The following GAPDH variants were observed in gnomAD, a reference collection of about 807,000 sequenced individuals.
GAPDH encodes OCAS, p38 component.
A neutral mutation model predicts 31.2 loss-of-function variants in GAPDH; 13 were observed. The ratio of observed to expected loss-of-function variants is 0.42; its 90% CI spans 0.27 to 0.66. The LOEUF is 0.66. GAPDH is among the 30% of genes least tolerant of loss of function. The probability of loss-of-function intolerance (pLI) is 0.26; values close to 1 mark genes in which losing one functional copy is unlikely to be tolerated. For missense variants in GAPDH, 300 were observed against 443.7 expected (o/e 0.68, Z 2.91); for synonymous variants, 211 against 166.9 (o/e 1.26, Z -2.04).
chr12:6,535,207 C>T, intron 2 of GAPDH: 1 of 1,102,950 alleles, frequency 9.1e-7, no homozygotes, highest in Non-Finnish European at 1.1e-6. Context: ...GAGCCCCTCC[C>T]CCACGGCCTC....
chr12:6,537,627 G>A lies in GAPDH; in HGVS notation c.569G>A (p.Gly190Asp), dbSNP rs1946508215. Reference protein sequence around the residue: ...AITATQKTVDGPSGKLWRDGR... With the variant: ...AITATQKTVDDPSGKLWRDGR... ...ACTGCCACCCAGAAGACTGTGGATG[G>A]CCCCTCCGGGAAACTGTGGCGTGAT... The change falls in exon 8 of 9, where the codon GGC (glycine) becomes GAC (aspartate). Residue 190 changes from glycine (G) to aspartate (D), a missense_variant. Physicochemically the swap from Gly to Asp is moderately conservative, Grantham distance 94. Transcript: ENST00000229239. The surrounding 1 kb of genome is among the most constrained non-coding windows in gnomAD (Gnocchi z 4.9). 1 of 1,611,710 alleles carries A rather than the reference G, an allele frequency of 6.2e-7. No individual in the cohort carries two copies. Among genetic ancestry groups the A allele is most frequent in the Admixed American group, 1.7e-5 (1 of 59,996 alleles).
intron 2 of GAPDH, among the ~76,000 whole-genome samples, chr12:6,536,255 C>G (rs955960732): frequency 6.6e-6 from 1 of 152,226 alleles, no homozygotes; most frequent in Non-Finnish European, 1.5e-5. Context: ...GCCGCTTCTC[C>G]TGGAAGGGCT....
Position 6,537,978 on chromosome 12 carries a change from T to C in GAPDH, c.920T>C (p.Phe307Ser). 6.2e-7 allele frequency: 1 copy of C among 1,613,498 alleles called. No individual in the cohort carries two copies. The highest frequency in any genetic ancestry group is 8.5e-7 in the Non-Finnish European group (1 of 1,179,524). Reference sequence around the variant, plus strand: ...GCTGGCATTGCCCTCAACGACCACTTTGTCAAGCTCATTTCCTGGTATGTG... The same window carrying C: ...GCTGGCATTGCCCTCAACGACCACTCTGTCAAGCTCATTTCCTGGTATGTG... ...AGAGIALNDHFVKLISWYDNE... is the reference protein window; with the variant it reads ...AGAGIALNDHSVKLISWYDNE... Residue 307 changes from phenylalanine (F) to serine (S), a missense_variant, in exon 8 of 9, where the codon TTT becomes TCT. By Grantham distance (155) the Phe-to-Ser change is radical. Coordinates refer to ENST00000229239, the MANE Select transcript of GAPDH (RefSeq NM_002046.7). The surrounding 1 kb of genome is among the most constrained non-coding windows in gnomAD (Gnocchi z 4.9).
rs1447177742 is a variant in GAPDH at position 6,538,009 on chromosome 12, G to C, written c.938+13G>C. The C allele has an allele frequency of 1.3e-6, 2 of 1,594,650 alleles. No homozygotes were observed. The highest frequency in any genetic ancestry group is 3.7e-5 in the Admixed American group (2 of 54,058). ...AGCTCATTTCCTGGTATGTGGCTGG[G>C]GCCAGAGACTGGCTCTTAAAAAGTG... On this transcript the variant is annotated intron_variant, in intron 8 of 8. Transcript: ENST00000229239.
Position 6,537,182 on chromosome 12 carries a change from C to A in GAPDH, c.409C>A (p.His137Asn), listed in dbSNP as rs1261741390. The change falls in exon 6 of 9, where the codon CAT becomes AAT. Residue 137 changes from histidine (H) to asparagine (N), a missense_variant. Coordinates refer to ENST00000229239, the MANE Select transcript of GAPDH (RefSeq NM_002046.7). The surrounding 1 kb of genome is among the most constrained non-coding windows in gnomAD (Gnocchi z 4.9). ...CCCCATGTTCGTCATGGGTGTGAAC[C>A]ATGAGAAGTATGACAACAGCCTCAA... ...DAPMFVMGVN[H>N]EKYDNSLKII... 6.2e-7 allele frequency: 1 copy of A among 1,613,108 alleles called. No homozygotes were observed. The highest frequency in any genetic ancestry group is 8.5e-7 in the Non-Finnish European group (1 of 1,179,968).
Position 6,534,872 on chromosome 12 carries a change from G to T in GAPDH, c.29+11G>T. ...GGTCGGAGTCAACGGGTGAGTTCGC[G>T]GGTGGCTGGGGGGCCCTGGGCTGCG... On this transcript the variant is annotated intron_variant, in intron 2 of 8. Transcript: ENST00000229239. 1 of 1,612,618 alleles carries T rather than the reference G, an allele frequency of 6.2e-7. No homozygotes were observed. The highest frequency in any genetic ancestry group is 1.1e-5 in the South Asian group (1 of 90,972).
At chr12:6,535,024 C>T (rs968749107) in intron 2 of GAPDH, 163 bp downstream of exon 2, 7 of 883,364 alleles carry the variant, frequency 7.9e-6, no homozygotes, top group African/African-American at 6.9e-5. Flanking sequence ...GCCCCGCACC[C>T]AGGCTGTGGC....
chr12:6,537,430 C>T lies in GAPDH; in HGVS notation c.525+40C>T. 2 of 1,595,370 alleles carry T rather than the reference C, an allele frequency of 1.3e-6. No individual in the cohort carries two copies. Among genetic ancestry groups the T allele is most frequent in the Non-Finnish European group, 1.7e-6 (2 of 1,165,570 alleles). The stretch of plus-strand genomic sequence containing the variant: ...GAATGGGACTGAGGCTCCCACCTTT[C>T]TCATCCAAGACTGGCTCCTCCCTGC... On this transcript the variant is annotated intron_variant, in intron 7 of 8. Transcript: ENST00000229239. The surrounding 1 kb of genome is among the most constrained non-coding windows in gnomAD (Gnocchi z 4.9).
Position 6,536,911 on chromosome 12 carries a change from C to T in GAPDH, c.237-9C>T. 3 of 1,609,242 alleles carry T rather than the reference C, an allele frequency of 1.9e-6. No homozygotes were observed. Among genetic ancestry groups the T allele is most frequent in the Non-Finnish European group, 1.7e-6 (2 of 1,175,774 alleles). On this transcript the variant is annotated splice_polypyrimidine_tract_variant and intron_variant, in intron 4 of 8. Coordinates refer to ENST00000229239, the MANE Select transcript of GAPDH (RefSeq NM_002046.7). ...TGGTCCTGTCCCCATCTCCCCCCCA[C>T]CCCCATAGGCGAGATCCCTCCAAAA...
In GAPDH at chr12:6,534,860, G is replaced by C; in HGVS notation, c.28G>C (p.Gly10Arg). The C allele has an allele frequency of 6.2e-7, 1 of 1,613,304 alleles. No homozygotes were observed. The highest frequency in any genetic ancestry group is 8.5e-7 in the Non-Finnish European group (1 of 1,179,632). MGKVKVGVN[G>R]FGRIGRLVTR... ...GGGGAAGGTGAAGGTCGGAGTCAAC[G>C]GGTGAGTTCGCGGGTGGCTGGGGGG... The change falls in exon 2 of 9, where the codon GGA (glycine) becomes CGA (arginine). Residue 10 changes from glycine (G) to arginine (R), a missense_variant and splice_region_variant. Coordinates refer to ENST00000229239, the MANE Select transcript of GAPDH (RefSeq NM_002046.7).
chr12:6,536,681 C>T lies in GAPDH; in HGVS notation c.130-3C>T, dbSNP rs766844116. On this transcript the variant is annotated splice_polypyrimidine_tract_variant and splice_region_variant and intron_variant, in intron 3 of 8. Coordinates refer to ENST00000229239, the MANE Select transcript of GAPDH (RefSeq NM_002046.7). ...CCCTTCATACCCTCACGTATTCCCC[C>T]AGGTTTACATGTTCCAATATGATTC... 18 of 1,606,274 alleles carry T rather than the reference C, an allele frequency of 1.1e-5. No homozygotes were observed. In the African/African-American group the frequency reaches 1.6e-4, roughly 14 times the overall value.
At position 6,537,628 on chromosome 12, in the gene GAPDH, C is replaced by T. The variant is rs1431661502; in HGVS notation, c.570C>T (p.Gly190=). The change falls in exon 8 of 9, where the codon GGC becomes GGT. Residue 190 remains glycine (G), a synonymous_variant. Coordinates refer to ENST00000229239, the MANE Select transcript of GAPDH (RefSeq NM_002046.7). This position sits in a 1 kb window ranked among gnomAD's most constrained non-coding sequence, Gnocchi z 4.9. The stretch of plus-strand genomic sequence containing the variant: ...CTGCCACCCAGAAGACTGTGGATGG[C>T]CCCTCCGGGAAACTGTGGCGTGATG... ...AITATQKTVD[G]PSGKLWRDGR... is the part of the protein sequence containing the mutation. 6 of 1,611,748 alleles carry T rather than the reference C, an allele frequency of 3.7e-6. No individual in the cohort carries two copies. The highest frequency in any genetic ancestry group is 2.1e-4 in the Middle Eastern group (1 of 4,680).
chr12:6,534,664 GGGCCCGGGCGGCCTCCGCATTGCA>G (rs1946417474), intron 1 of GAPDH, 95 bp downstream of exon 1: 5 of 738,066 alleles, frequency 6.8e-6, no homozygotes, highest in African/African-American at 1.8e-5. Flanking sequence ...GCTGCGGGGT[GGGCCCGGGCGGCCTCCGCATTGCA>G]GGGGCGGGCG....
In GAPDH at chr12:6,538,329, CACCTTGTCATGT is replaced by C. The variant is rs1175190649; in HGVS notation, c.*163_*174del. ...AAGAGGGGAGGGGCCTAGGGAGCCGCACCTTGTCATGTACCATCAATAAAGTACCCTGTGCTC... is the reference window on the plus strand; with the variant it reads ...AAGAGGGGAGGGGCCTAGGGAGCCGCACCATCAATAAAGTACCCTGTGCTC... On this transcript the variant is annotated 3_prime_UTR_variant, in exon 9 of 9. Coordinates refer to ENST00000229239, the MANE Select transcript of GAPDH (RefSeq NM_002046.7). 1 of 635,684 alleles carries C rather than the reference CACCTTGTCATGT, an allele frequency of 1.6e-6. No individual in the cohort carries two copies. The highest frequency in any genetic ancestry group is 2.8e-6 in the Non-Finnish European group (1 of 358,094). 39.4% of individuals were successfully genotyped at this position (635,684 alleles called of 1,614,324 possible).
intron 2 of GAPDH, 145 bp downstream of exon 2, chr12:6,535,006 C>T (rs1393187941): frequency 6.1e-6 from 6 of 988,804 alleles, no homozygotes; most frequent in South Asian, 4.8e-5. Flanking sequence ...GCGCTCGGAC[C>T]TGGCGGAGCC....
intron 2 of GAPDH, chr12:6,535,439 C>G (rs1313749374): frequency 3.0e-6 from 3 of 987,500 alleles, no homozygotes; most frequent in African/African-American, 1.7e-5. Flanking sequence ...GATTTCTCCT[C>G]CGGGTGATGC....
Position 6,538,000 on chromosome 12 carries a change from T to C in GAPDH, c.938+4T>C, listed in dbSNP as rs1186131138. ...ACTTTGTCAAGCTCATTTCCTGGTA[T>C]GTGGCTGGGGCCAGAGACTGGCTCT... On this transcript the variant is annotated splice_donor_region_variant and intron_variant, in intron 8 of 8. Coordinates refer to ENST00000229239, the MANE Select transcript of GAPDH (RefSeq NM_002046.7). This position sits in a 1 kb window ranked among gnomAD's most constrained non-coding sequence, Gnocchi z 4.9. 2.5e-6 allele frequency: 4 copies of C among 1,596,668 alleles called. No homozygotes were observed. The highest frequency in any genetic ancestry group is 4.8e-5 in the East Asian group (2 of 41,262).
Position 6,536,796 on chromosome 12 carries a change from T to A in GAPDH, c.236+6T>A. 6.2e-7 allele frequency: 1 copy of A among 1,610,570 alleles called. No homozygotes were observed. The highest frequency in any genetic ancestry group is 8.5e-7 in the Non-Finnish European group (1 of 1,177,308). Reference sequence around the variant, plus strand: ...CCCATCACCATCTTCCAGGAGTGAGTGGAAGACAGAATGGAAGAAATGTGC... The same window carrying A: ...CCCATCACCATCTTCCAGGAGTGAGAGGAAGACAGAATGGAAGAAATGTGC... On this transcript the variant is annotated splice_donor_region_variant and intron_variant, in intron 4 of 8. Coordinates refer to ENST00000229239, the MANE Select transcript of GAPDH (RefSeq NM_002046.7).
Position 6,537,355 on chromosome 12 carries a change from A to G in GAPDH, c.490A>G (p.Ile164Val). ...CTGCTTAGCACCCCTGGCCAAGGTC[A>G]TCCATGACAACTTTGGTATCGTGGA... ...TNCLAPLAKV[I>V]HDNFGIVEGL... Residue 164 changes from isoleucine to valine, a missense_variant, in exon 7 of 9, where the codon ATC becomes GTC. Coordinates refer to ENST00000229239, the MANE Select transcript of GAPDH (RefSeq NM_002046.7). This position sits in a 1 kb window ranked among gnomAD's most constrained non-coding sequence, Gnocchi z 4.9. 1 of 1,609,808 alleles carries G rather than the reference A, an allele frequency of 6.2e-7. No homozygotes were observed. Among genetic ancestry groups the G allele is most frequent in the Non-Finnish European group, 8.5e-7 (1 of 1,179,968 alleles).
Sources: allele counts gnomAD v4.1 joint callset (sites outside exome capture counted in the v4.1 genomes callset), GRCh38; gene constraint gnomAD v4.1.1; non-coding constraint Gnocchi (gnomAD v3.1); transcripts MANE v1.5; gene names NCBI Gene and HGNC (gene_info 2026-07-23, HGNC 2026-07-21).